The following DOCK9 variants were observed in gnomAD, a reference collection of about 807,000 sequenced individuals.
DOCK9 encodes dedicator of cytokinesis protein 9.
DOCK9 carries 89 observed loss-of-function variants against 263.3 expected under a neutral mutation model. That is an observed-to-expected ratio of 0.34 (90% CI 0.28 to 0.40). The LOEUF is 0.40. Among genes scored for constraint, DOCK9 ranks in the 10% least tolerant of loss-of-function variants. The pLI, the probability that DOCK9 is intolerant of heterozygous loss-of-function variation, is 1.00. For missense variants in DOCK9, 2,140 were observed against 2,603.4 expected (o/e 0.82, Z 3.87); for synonymous variants, 976 against 973.1 (o/e 1.00, Z -0.06).
chr13:98,906,252 A>G (rs955892869), intron 9 of DOCK9, among the ~76,000 whole-genome samples: 21 of 152,032 alleles, frequency 1.4e-4, no homozygotes, highest in African/African-American at 4.8e-4. Flanking sequence ...GAGAGGGTGA[A>G]AGTGAGTCTG....
intron 1 of DOCK9, among the ~76,000 whole-genome samples, chr13:99,040,171 T>G (rs529898916): frequency 6.6e-6 from 1 of 152,282 alleles, no homozygotes; most frequent in African/African-American, 2.4e-5. Flanking sequence ...CCCTACCTCA[T>G]GTATGGATAC....
chr13:98,991,374 A>T (rs2141710278), intron 1 of DOCK9, among the ~76,000 whole-genome samples: 1 of 152,242 alleles, frequency 6.6e-6, no homozygotes, highest in Middle Eastern at 3.4e-3. Flanking sequence ...TCGGCCGCAA[A>T]CAAGTAATTT....
Position 98,793,506 on chromosome 13 carries a change from T to A in DOCK9, c.*1120A>T, listed in dbSNP as rs1029964688. The A allele has an allele frequency of 2.0e-5, 3 of 152,620 alleles. No homozygotes were observed. The highest frequency in any genetic ancestry group is 7.2e-5 in the African/African-American group (3 of 41,462). The allele number at this position is 152,620 out of a possible 1,614,324, so 9.5% of individuals were successfully genotyped here. A position where few individuals can be genotyped will look rare whatever the true frequency, so the allele number is the denominator to read the frequency against. On this transcript the variant is annotated 3_prime_UTR_variant, in exon 53 of 53. Coordinates refer to ENST00000682017, the MANE Select transcript of DOCK9 (RefSeq NM_001366683.2). ...ACCCCAAATGGTCAGCAATGTCTTTTTAATACAGATGTGGTACAGAATGTT... is the reference window on the plus strand; with the variant it reads ...ACCCCAAATGGTCAGCAATGTCTTTATAATACAGATGTGGTACAGAATGTT...
intron 49 of DOCK9, 78 bp downstream of exon 49, chr13:98,804,921 T>G: frequency 6.8e-7 from 1 of 1,477,620 alleles, no homozygotes. Context: ...CTTCCAGTCC[T>G]GAAGCTTCTG....
At position 98,998,020 on chromosome 13, in the gene DOCK9, A is replaced by G. The variant is rs371392748; in HGVS notation, c.130-42469T>C. On this transcript the variant is annotated intron_variant, in intron 1 of 32. Transcript: ENST00000427887. Reference sequence around the variant, plus strand: ...GCTCTTCCAAGATTTGCTGCAAACCACAGAAACATCTCCAGGGTGATGGTG... The same window carrying G: ...GCTCTTCCAAGATTTGCTGCAAACCGCAGAAACATCTCCAGGGTGATGGTG... 2.6e-5 allele frequency among the ~76,000 whole-genome samples: 4 copies of G among 152,314 alleles called. No homozygotes were observed. In the South Asian group the frequency reaches 6.2e-4, roughly 24 times the overall value.
intron 1 of DOCK9, among the ~76,000 whole-genome samples, chr13:98,993,603 C>T (rs1880318015): frequency 6.6e-6 from 1 of 152,136 alleles, no homozygotes; most frequent in Non-Finnish European, 1.5e-5. Context: ...AGGAATACTT[C>T]CACTAGGTGG....
At chr13:98,822,900 T>G (rs1044120987) in intron 45 of DOCK9, among the ~76,000 whole-genome samples, 8 of 152,140 alleles carry the variant, frequency 5.3e-5, no homozygotes, top group African/African-American at 1.9e-4. Flanking sequence ...CATTTGAGAC[T>G]AGACAATTTA....
intron 1 of DOCK9, among the ~76,000 whole-genome samples, chr13:99,075,712 A>G (rs146735988): frequency 0.028 from 4,187 of 151,810 alleles, 94 homozygotes; most frequent in South Asian, 0.063. Flanking sequence ...AGCATGGTAA[A>G]CATCTTTCCT....
chr13:98,925,289 T>C (rs2052748254), intron 4 of DOCK9, among the ~76,000 whole-genome samples: 1 of 152,218 alleles, frequency 6.6e-6, no homozygotes. Context: ...AGGCAATACC[T>C]AGCTACCGCG....
At chr13:98,895,431 CTG>C in intron 15 of DOCK9, among the ~76,000 whole-genome samples, 1 of 152,164 alleles carries the variant, frequency 6.6e-6, no homozygotes, top group Non-Finnish European at 1.5e-5. Context: ...CTTTGGGAGG[CTG>C]AGGCGGGCAG....
intron 24 of DOCK9, 102 bp downstream of exon 24, chr13:98,881,789 TA>T: frequency 1.5e-6 from 2 of 1,290,802 alleles, no homozygotes; most frequent in Non-Finnish European, 2.2e-6. Flanking sequence ...AGACATTTCT[TA>T]AATGTAATGT....
intron 1 of DOCK9, among the ~76,000 whole-genome samples, chr13:99,082,143 C>T (rs1016245855): frequency 1.3e-5 from 2 of 152,078 alleles, no homozygotes; most frequent in Admixed American, 6.6e-5. Flanking sequence ...TGCTTGTACC[C>T]GGGAGTTCAA....
intron 47 of DOCK9, chr13:98,808,660 C>A: frequency 6.3e-7 from 1 of 1,589,564 alleles, no homozygotes; most frequent in South Asian, 1.1e-5. Flanking sequence ...GTTTCACTGT[C>A]TGTAAACTGG....
intron 1 of DOCK9, among the ~76,000 whole-genome samples, chr13:98,962,341 C>T (rs1467237351): frequency 1.3e-5 from 2 of 152,250 alleles, no homozygotes; most frequent in East Asian, 1.9e-4. Context: ...TGTTCACCTC[C>T]GTGCCTTATT....
intron 27 of DOCK9, among the ~76,000 whole-genome samples, chr13:98,872,498 C>T (rs1262004724): frequency 2.0e-5 from 3 of 152,100 alleles, no homozygotes; most frequent in African/African-American, 7.2e-5. Flanking sequence ...CCTCATCCTC[C>T]AGGGCTCAAG....
intron 3 of DOCK9, among the ~76,000 whole-genome samples, chr13:98,927,683 C>T (rs2053219015): frequency 6.6e-6 from 1 of 151,624 alleles, no homozygotes; most frequent in African/African-American, 2.4e-5. Context: ...TGCAGTGGTG[C>T]AATCTTGGCT....
At chr13:98,939,482 A>T (rs2055455898) in intron 2 of DOCK9, among the ~76,000 whole-genome samples, 1 of 151,920 alleles carries the variant, frequency 6.6e-6, no homozygotes, top group Non-Finnish European at 1.5e-5. Context: ...GCTTGTTTTC[A>T]TTTACTTAGA....
At chr13:98,887,381 C>A (rs544817472) in intron 18 of DOCK9, among the ~76,000 whole-genome samples, 4 of 150,654 alleles carry the variant, frequency 2.7e-5, no homozygotes, top group Non-Finnish European at 5.9e-5. Context: ...TTTTGGGAGG[C>A]CAAGGTGGGC....
intron 1 of DOCK9, among the ~76,000 whole-genome samples, chr13:99,053,749 T>A (rs1160991501): frequency 6.6e-6 from 1 of 152,086 alleles, no homozygotes; most frequent in Non-Finnish European, 1.5e-5. Context: ...TGTTACCTGG[T>A]CCCCAGCGAT....
Sources: allele counts gnomAD v4.1 joint callset (sites outside exome capture counted in the v4.1 genomes callset), GRCh38; gene constraint gnomAD v4.1.1; transcripts MANE v1.5; gene names NCBI Gene and HGNC (gene_info 2026-07-23, HGNC 2026-07-21).